TEDC1: variants seen among roughly 807,000 people sequenced by gnomAD.
TEDC1 encodes tubulin epsilon and delta complex protein 1.
In TEDC1, 54 loss-of-function variants were observed where a neutral mutation model predicts 59.9. The ratio of observed to expected loss-of-function variants is 0.90; its 90% CI spans 0.72 to 1.13. The LOEUF (loss-of-function observed/expected upper bound fraction) is 1.13, where lower values mean the gene tolerates loss of function less well. Ranked by LOEUF, TEDC1 falls within the 50% of genes most tolerant of loss-of-function variation. TEDC1 has a pLI of 0.00. For synonymous variants in TEDC1, 353 were observed against 298.1 expected, an observed-to-expected ratio of 1.18 and a Z score of -1.90; for missense variants, 734 against 683.4, an observed-to-expected ratio of 1.07 and a Z score of -0.83.
At position 105,498,811 on chromosome 14, in the gene TEDC1, G is replaced by A. The variant is rs1555441085; in HGVS notation, c.1353G>A (p.Val451=). Residue 451 remains valine (V), a synonymous_variant, in exon 9 of 9, where the codon GTG becomes GTA. Coordinates refer to ENST00000392523, the MANE Select transcript of TEDC1 (RefSeq NM_001367178.1). Reference sequence around the variant, plus strand: ...ACCGGGACCTGCGGGCAGCTGTGGTGATCAGGACGCTGAGGAGCCAGGAGG... The same window carrying A: ...ACCGGGACCTGCGGGCAGCTGTGGTAATCAGGACGCTGAGGAGCCAGGAGG... The part of the protein sequence containing the change: ...AGDRDLRAAV[V]IRTLRSQEAC... The A allele has an allele frequency of 6.3e-7, 1 of 1,598,938 alleles. No homozygotes were observed. The highest frequency in any genetic ancestry group is 1.7e-5 in the Admixed American group (1 of 57,310).
intron 6 of TEDC1, 53 bp downstream of exon 6, chr14:105,496,139 T>TTGTGCTGGGTGGGGGGGGGGGG: frequency 3.1e-5 from 1 of 32,264 alleles, no homozygotes; most frequent in Non-Finnish European, 5.1e-5. Flanking sequence ...TGGGGGTGGG[T>TTGTGCTGGGTGGGGGGGGGGGG]GGGAGGGGGT....
Position 105,492,185 on chromosome 14 carries a change from A to C in TEDC1, c.305A>C (p.Asp102Ala), listed in dbSNP as rs782819389. The stretch of plus-strand genomic sequence containing the variant: ...CTGGCACTGGCACAACTACCTGAGG[A>C]TGGCTCGCAGGGCAGTCGGGAGCTG... ...PRLALAQLPE[D>A]GSQGSRELLL... Residue 102 changes from aspartate (D) to alanine (A), a missense_variant, in exon 3 of 9, where the codon GAT becomes GCT. By Grantham distance (126) the Asp-to-Ala change is moderately radical. Transcript: ENST00000392523. 12 of 1,612,792 alleles carry C rather than the reference A, an allele frequency of 7.4e-6. No individual in the cohort carries two copies. The African/African-American group carries it at 1.5e-4, about 20-fold the overall frequency.
intron 4 of TEDC1, among the ~76,000 whole-genome samples, chr14:105,493,596 G>A (rs1411448402): frequency 6.6e-6 from 1 of 151,072 alleles, no homozygotes; most frequent in African/African-American, 2.4e-5. Flanking sequence ...TGGGCGGGGT[G>A]GGGAGGCCAT....
chr14:105,491,231 G>T, upstream of TEDC1: 1 of 1,540,762 alleles, frequency 6.5e-7, no homozygotes. Context: ...CCCGGCCCGT[G>T]CCATGATTGG....
At chr14:105,496,418 A>G (rs1378982408) in intron 6 of TEDC1, 2 of 304,130 alleles carry the variant, frequency 6.6e-6, no homozygotes, top group Non-Finnish European at 1.2e-5. Flanking sequence ...GCTCCGCCCC[A>G]GAGGGGCTGG....
intron 2 of TEDC1, 35 bp downstream of exon 2, chr14:105,491,735 C>T (rs782495330): frequency 2.0e-6 from 3 of 1,533,842 alleles, no homozygotes; most frequent in African/African-American, 1.4e-5. Context: ...CACCCGGTAG[C>T]ACTGGCCCCG....
In TEDC1 at chr14:105,493,850, C is replaced by T. The variant is rs118022421; in HGVS notation, c.601C>T (p.Arg201Cys). ...CCTGTTTTAGATCCACCTGTACACA[C>T]GCGGCTGCCACAGCGACCAGAGCCT... Reference protein sequence around the residue: ...ALLSKIHLYTRGCHSDQSLSH... With the variant: ...ALLSKIHLYTCGCHSDQSLSH... Residue 201 changes from arginine to cysteine, a missense_variant, in exon 5 of 9, where the codon CGC (arginine) becomes TGC (cysteine). Transcript: ENST00000392523. 4.3e-3 allele frequency: 6,840 copies of T among 1,606,526 alleles called. 58 individuals are homozygous for T. Among genetic ancestry groups the T allele is most frequent in the South Asian group, 0.021 (1,952 of 90,830 alleles).
rs2084210667 is a variant in TEDC1, at chr14:105,491,624, C to A, written c.150C>A (p.Thr50=). The A allele has an allele frequency of 6.5e-7, 1 of 1,549,720 alleles. No homozygotes were observed. The part of the protein sequence containing the change: ...RRAKFDRPEA[T]SALWQLLFRV... ...CGCCCGCTTTTTATTTTCCGCAGACCTCCGCGCTCTGGCAGCTCCTCTTCC... is the reference window on the plus strand; with the variant it reads ...CGCCCGCTTTTTATTTTCCGCAGACATCCGCGCTCTGGCAGCTCCTCTTCC... Residue 50 remains threonine, a splice_region_variant and synonymous_variant, in exon 2 of 9, where the codon ACC becomes ACA. Transcript: ENST00000392523.
chr14:105,492,320 G>A lies in TEDC1; in HGVS notation c.429+11G>A, dbSNP rs199951748. On this transcript the variant is annotated intron_variant, in intron 3 of 8. Transcript: ENST00000392523. ...ATGACTGTGTGCCAGGTGCGTGTGG[G>A]TGAGGGTGAGCTGAGCCAGCCCTGG... 2 of 1,600,102 alleles carry A rather than the reference G, an allele frequency of 1.2e-6. No homozygotes were observed. Among genetic ancestry groups the A allele is most frequent in the African/African-American group, 1.3e-5 (1 of 74,972 alleles).
intron 6 of TEDC1, 138 bp from the exon 7 acceptor site, chr14:105,497,219 C>A: frequency 2.4e-6 from 2 of 839,296 alleles, no homozygotes; most frequent in African/African-American, 1.7e-5. Context: ...AACCTGGGCG[C>A]AGGCAGGGGA....
intron 6 of TEDC1, 52 bp downstream of exon 6, chr14:105,496,138 G>GGGGC: frequency 2.3e-6 from 1 of 430,166 alleles, no homozygotes; most frequent in Non-Finnish European, 4.2e-6. Flanking sequence ...TTGGGGGTGG[G>GGGGC]TGGGAGGGGG....
At position 105,497,839 on chromosome 14, in the gene TEDC1, A is replaced by G. The variant is rs782029050; in HGVS notation, c.1020A>G (p.Ala340=). The G allele has an allele frequency of 1.8e-5, 28 of 1,572,678 alleles. No homozygotes were observed. Among genetic ancestry groups the G allele is most frequent in the Non-Finnish European group, 2.4e-5 (28 of 1,159,090 alleles). The part of the protein sequence containing the change: ...LGTCAPEVPA[A]ASQPTFLPWV... ...CCTGTGCCCCGGAGGTGCCTGCTGCAGCCTCACAGCCCACCTTCCTGCCCT... is the reference window on the plus strand; with the variant it reads ...CCTGTGCCCCGGAGGTGCCTGCTGCGGCCTCACAGCCCACCTTCCTGCCCT... The change falls in exon 8 of 9, where the codon GCA becomes GCG. Residue 340 remains alanine, a synonymous_variant. Coordinates refer to ENST00000392523, the MANE Select transcript of TEDC1 (RefSeq NM_001367178.1).
Position 105,491,630 on chromosome 14 carries a change from G to C in TEDC1, c.156G>C (p.Ala52=). ...CTTTTTATTTTCCGCAGACCTCCGC[G>C]CTCTGGCAGCTCCTCTTCCGTGTGC... ...AKFDRPEATS[A]LWQLLFRVLS... Residue 52 remains alanine (A), a synonymous_variant, in exon 2 of 9, where the codon GCG becomes GCC. Coordinates refer to ENST00000392523, the MANE Select transcript of TEDC1 (RefSeq NM_001367178.1). 1.3e-6 allele frequency: 2 copies of C among 1,549,614 alleles called. No individual in the cohort carries two copies. The highest frequency in any genetic ancestry group is 1.7e-6 in the Non-Finnish European group (2 of 1,146,806).
At position 105,492,089 on chromosome 14, in the gene TEDC1, G is replaced by T; in HGVS notation, c.227-18G>T. ...TCCAGGTGGGTGGTCCCCCTAAGGT[G>T]GTGGTCTTCTGTCCTAGAGGTCCAA... On this transcript the variant is annotated intron_variant, in intron 2 of 8. Transcript: ENST00000392523. The T allele has an allele frequency of 6.3e-7, 1 of 1,576,038 alleles. No homozygotes were observed. The highest frequency in any genetic ancestry group is 8.6e-7 in the Non-Finnish European group (1 of 1,161,592).
chr14:105,498,396 G>A lies in TEDC1; in HGVS notation c.1159-221G>A, dbSNP rs377471477. On this transcript the variant is annotated intron_variant, in intron 8 of 8. Transcript: ENST00000392523. ...TGCGCAGGTTCATGGCTGTGAACAC[G>A]GGGCTGTGTTGGCTCCATCTATTTT... is the stretch of plus-strand genomic sequence containing the variant. Among the ~76,000 whole-genome samples the A allele has an allele frequency of 2.5e-3, 387 of 152,326 alleles. 1 individual carries two copies. Among genetic ancestry groups the A allele is most frequent in the South Asian group, 4.6e-3 (22 of 4,826 alleles).
chr14:105,491,221 C>A, upstream of TEDC1: 2 of 1,543,052 alleles, frequency 1.3e-6, no homozygotes, highest in Non-Finnish European at 1.7e-6. Context: ...GGGCGCTGGA[C>A]CCGGCCCGTG....
chr14:105,492,960 G>A (rs1363528361), intron 4 of TEDC1, among the ~76,000 whole-genome samples: 6 of 152,210 alleles, frequency 3.9e-5, no homozygotes, highest in Non-Finnish European at 5.9e-5. Flanking sequence ...GGGCAGAAAC[G>A]GGTGTCAGAG....
At chr14:105,490,310 G>C (rs1208782699), upstream of TEDC1, 5 of 152,414 alleles carry the variant, frequency 3.3e-5, no homozygotes, top group African/African-American at 1.2e-4. Context: ...AGGGAGGACT[G>C]AGTTTCCCTC....
chr14:105,496,149 T>TGGGGGGGGGGGGGGGG lies in TEDC1; in HGVS notation c.891+65_891+66insGGGGGGGGGGGGGGGG. The TGGGGGGGGGGGGGGGG allele has an allele frequency of 3.7e-5, 3 of 81,278 alleles. 1 individual carries two copies. The highest frequency in any genetic ancestry group is 7.3e-4 in the South Asian group (2 of 2,748). The allele number at this position is 81,278 out of a possible 1,614,324, so 5.0% of individuals were successfully genotyped here. On this transcript the variant is annotated intron_variant, in intron 6 of 8. Coordinates refer to ENST00000392523, the MANE Select transcript of TEDC1 (RefSeq NM_001367178.1). The stretch of plus-strand genomic sequence containing the variant: ...GGACTTGGGGGTGGGTGGGAGGGGG[T>TGGGGGGGGGGGGGGGG]GGCGAGGGGGTGTGTTTGCTCCTCC...
Sources: allele counts gnomAD v4.1 joint callset (sites outside exome capture counted in the v4.1 genomes callset), GRCh38; gene constraint gnomAD v4.1.1; transcripts MANE v1.5; gene names NCBI Gene and HGNC (gene_info 2026-07-23, HGNC 2026-07-21).